Variants in AGBL4 observed in about 807,000 individuals in gnomAD.
AGBL4 encodes the protein cytosolic carboxypeptidase 6.
Under a neutral mutation model 66.4 loss-of-function variants are expected in AGBL4, and 58 were observed. The observed-to-expected ratio is 0.87, with a 90% CI of 0.71 to 1.09. AGBL4 has a LOEUF of 1.09. Among genes scored for constraint, AGBL4 ranks in the 50% least tolerant of loss-of-function variants. AGBL4 has a pLI of 0.00. For synonymous variants in AGBL4, 234 were observed against 222.9 expected, an observed-to-expected ratio of 1.05 and a Z score of -0.44; for missense variants, 579 against 631.0, an observed-to-expected ratio of 0.92 and a Z score of 0.88.
chr1:48,674,691 T>A (rs1646336560), intron 6 of AGBL4, among the ~76,000 whole-genome samples: 1 of 152,220 alleles, frequency 6.6e-6, no homozygotes, highest in Non-Finnish European at 1.5e-5. Flanking sequence ...AATATTCATC[T>A]TATTGGGTGG....
chr1:49,808,510 CAA>C (rs1246011780), intron 2 of AGBL4, among the ~76,000 whole-genome samples: 1 of 152,102 alleles, frequency 6.6e-6, no homozygotes, highest in South Asian at 2.1e-4. Context: ...TATATCCCCT[CAA>C]GTTTTTCTCA....
chr1:48,966,597 G>A (rs900310763), intron 5 of AGBL4, among the ~76,000 whole-genome samples: 11 of 152,192 alleles, frequency 7.2e-5, no homozygotes, highest in African/African-American at 1.7e-4. Context: ...AGCTCATCAA[G>A]AAGAAAATGA....
intron 5 of AGBL4, among the ~76,000 whole-genome samples, chr1:48,900,496 A>T (rs1288812529): frequency 6.6e-6 from 1 of 152,210 alleles, no homozygotes; most frequent in Admixed American, 6.5e-5. Flanking sequence ...ACTTATTATA[A>T]ACCTACAGTA....
intron 4 of AGBL4, among the ~76,000 whole-genome samples, chr1:49,049,094 C>T (rs915540632): frequency 3.3e-5 from 5 of 152,084 alleles, no homozygotes; most frequent in Admixed American, 3.3e-4. Flanking sequence ...TCATCCATTT[C>T]ACCCTCCTTG....
intron 2 of AGBL4, among the ~76,000 whole-genome samples, chr1:49,714,563 T>C (rs938998709): frequency 5.6e-5 from 6 of 106,424 alleles, no homozygotes; most frequent in Non-Finnish European, 1.2e-4. Context: ...AGTTGAGTAG[T>C]ATTTACATAT....
chr1:49,207,555 T>TTTCTTTCTTTCTTTCTTTC, intron 4 of AGBL4, among the ~76,000 whole-genome samples: 3 of 128,158 alleles, frequency 2.3e-5, no homozygotes, highest in African/African-American at 9.6e-5. Flanking sequence ...TCTTTCTTTC[T>TTTCTTTCTTTCTTTCTTTC]TTCTTTCTTT....
chr1:49,297,762 A>G (rs1397786170), intron 3 of AGBL4, among the ~76,000 whole-genome samples: 1 of 152,118 alleles, frequency 6.6e-6, no homozygotes, highest in Non-Finnish European at 1.5e-5. Context: ...TCTGGCATCC[A>G]ATTAGATGAC....
chr1:49,318,208 G>A (rs948290571), intron 3 of AGBL4, among the ~76,000 whole-genome samples: 7 of 151,828 alleles, frequency 4.6e-5, no homozygotes, highest in African/African-American at 1.4e-4. Context: ...GTAATCTTGG[G>A]TAAGTTACTT....
At chr1:49,823,770 G>C (rs1489960373) in intron 2 of AGBL4, among the ~76,000 whole-genome samples, 2 of 117,652 alleles carry the variant, frequency 1.7e-5, no homozygotes, top group Non-Finnish European at 3.6e-5. Flanking sequence ...TTCCATTAAG[G>C]CTGCATAATG....
At chr1:48,730,196 C>T (rs1346186667) in intron 6 of AGBL4, among the ~76,000 whole-genome samples, 1 of 152,190 alleles carries the variant, frequency 6.6e-6, no homozygotes, top group Non-Finnish European at 1.5e-5. Flanking sequence ...TTCCCCCCAA[C>T]AGACTGGGAC....
chr1:49,003,468 T>C (rs1661546979), intron 5 of AGBL4, among the ~76,000 whole-genome samples: 1 of 152,126 alleles, frequency 6.6e-6, no homozygotes, highest in South Asian at 2.1e-4. Flanking sequence ...AGATTTAATA[T>C]GGGGAGAAGA....
chr1:49,608,899 G>A (rs1292194729), intron 3 of AGBL4, among the ~76,000 whole-genome samples: 1 of 151,990 alleles, frequency 6.6e-6, no homozygotes, highest in Non-Finnish European at 1.5e-5. Flanking sequence ...AACTATGCAT[G>A]GTAGGTGTCC....
At chr1:49,277,260 A>C (rs1259481884) in intron 3 of AGBL4, among the ~76,000 whole-genome samples, 1 of 152,116 alleles carries the variant, frequency 6.6e-6, no homozygotes, top group Non-Finnish European at 1.5e-5. Context: ...GATCATACTA[A>C]CATATATTTT....
chr1:49,882,173 G>A lies in AGBL4; in HGVS notation c.35-30655C>T, dbSNP rs1042159585. ...CTTTCCCCATTGCTTGTTTTTCTCAGGTTTGTCAAAGATCAGATAGTTGTA... is the reference window on the plus strand; with the variant it reads ...CTTTCCCCATTGCTTGTTTTTCTCAAGTTTGTCAAAGATCAGATAGTTGTA... On this transcript the variant is annotated intron_variant, in intron 1 of 13. Coordinates refer to ENST00000371839, the MANE Select transcript of AGBL4 (RefSeq NM_032785.4). 5.3e-4 allele frequency among the ~76,000 whole-genome samples: 80 copies of A among 151,194 alleles called. 1 individual carries two copies. Among genetic ancestry groups the A allele is most frequent in the African/African-American group, 1.9e-3 (78 of 41,070 alleles).
At chr1:48,759,922 G>A (rs775251147) in intron 6 of AGBL4, among the ~76,000 whole-genome samples, 3 of 152,182 alleles carry the variant, frequency 2.0e-5, no homozygotes, top group South Asian at 4.1e-4. Flanking sequence ...CTTGAAAAAT[G>A]TTTACTCAAC....
chr1:48,772,489 T>C (rs990930914), intron 6 of AGBL4, among the ~76,000 whole-genome samples: 3 of 151,668 alleles, frequency 2.0e-5, no homozygotes, highest in Non-Finnish European at 4.4e-5. Flanking sequence ...TGCGAGAGAG[T>C]GTGTTCACAG....
At chr1:49,235,025 A>G (rs1330250667) in intron 4 of AGBL4, among the ~76,000 whole-genome samples, 1 of 152,214 alleles carries the variant, frequency 6.6e-6, no homozygotes, top group South Asian at 2.1e-4. Flanking sequence ...ATAAACTATT[A>G]TGTAGGCTGT....
intron 8 of AGBL4, among the ~76,000 whole-genome samples, chr1:48,637,917 T>C (rs1238535931): frequency 2.0e-5 from 3 of 152,210 alleles, no homozygotes; most frequent in African/African-American, 7.2e-5. Context: ...CTGGTCTGGG[T>C]GCTGTGCTCA....
chr1:49,317,687 T>G (rs1484605830), intron 3 of AGBL4, among the ~76,000 whole-genome samples: 1 of 151,766 alleles, frequency 6.6e-6, no homozygotes, highest in East Asian at 1.9e-4. Context: ...CAAGCAGACA[T>G]GAAAGAGCAG....
Sources: allele counts gnomAD v4.1 joint callset (sites outside exome capture counted in the v4.1 genomes callset), GRCh38; gene constraint gnomAD v4.1.1; transcripts MANE v1.5; gene names NCBI Gene and HGNC (gene_info 2026-07-23, HGNC 2026-07-21).